CFAP46: variants seen among roughly 807,000 people sequenced by gnomAD.
The protein encoded by CFAP46 is cilia and flagella associated protein 46.
A neutral mutation model predicts 325.7 loss-of-function variants in CFAP46; 245 were observed. The observed-to-expected ratio is 0.75, with a 90% CI of 0.68 to 0.84. The LOEUF is 0.84. Among genes scored for constraint, CFAP46 ranks in the 40% least tolerant of loss-of-function variants. CFAP46 has a pLI of 0.00. For missense variants in CFAP46, 3,346 were observed against 3,543.0 expected (o/e 0.94, Z 1.41); for synonymous variants, 1,523 against 1,495.9 (o/e 1.02, Z -0.42).
At chr10:132,839,926 G>C (rs951090946) in intron 44 of CFAP46, among the ~76,000 whole-genome samples, 10 of 152,216 alleles carry the variant, frequency 6.6e-5, no homozygotes, top group African/African-American at 2.4e-4. Flanking sequence ...TTAGTGATGA[G>C]AGAGCCTTTC....
chr10:132,820,041 A>G (rs1847764006), intron 50 of CFAP46, among the ~76,000 whole-genome samples: 1 of 152,196 alleles, frequency 6.6e-6, no homozygotes, highest in South Asian at 2.1e-4. Flanking sequence ...ATACAATAGT[A>G]AAAAACCAAA....
At chr10:132,873,561 G>A (rs1423185640) in intron 31 of CFAP46, among the ~76,000 whole-genome samples, 2 of 152,160 alleles carry the variant, frequency 1.3e-5, no homozygotes, top group African/African-American at 4.8e-5. Context: ...TCGTGCTGCA[G>A]GCTGGGCTTA....
chr10:132,845,730 T>A (rs1481321539), intron 44 of CFAP46, among the ~76,000 whole-genome samples: 4 of 152,212 alleles, frequency 2.6e-5, no homozygotes, highest in African/African-American at 7.2e-5. Flanking sequence ...AACATGCAGC[T>A]CCGATCCACA....
intron 7 of CFAP46, among the ~76,000 whole-genome samples, chr10:132,935,955 C>T (rs113419083): frequency 1.9e-3 from 105 of 56,228 alleles, no homozygotes; most frequent in African/African-American, 3.5e-3. Flanking sequence ...AAACACACTG[C>T]GATCTCCTCA....
At position 132,942,553 on chromosome 10, in the gene CFAP46, G is replaced by A. The variant is rs1184019861; in HGVS notation, c.-69C>T. 4.0e-5 allele frequency: 49 copies of A among 1,217,248 alleles called. No individual in the cohort carries two copies. The highest frequency in any genetic ancestry group is 4.8e-5 in the Non-Finnish European group (47 of 969,958). The allele number at this position is 1,217,248 out of a possible 1,614,324, so 75.4% of individuals were successfully genotyped here. On this transcript the variant is annotated 5_prime_UTR_variant, in exon 1 of 58. Coordinates refer to ENST00000368586, the MANE Select transcript of CFAP46 (RefSeq NM_001200049.3). ...GCGTCCTGCCGCCCACTGTCGGTTG[G>A]GTTCTCCAGCCGCGAGGACCCGGCC...
intron 32 of CFAP46, 101 bp downstream of exon 32, chr10:132,872,575 T>G: frequency 1.5e-6 from 2 of 1,355,658 alleles, no homozygotes; most frequent in Non-Finnish European, 2.1e-6. Context: ...CCCAGGGACT[T>G]TATTATTTAC....
intron 44 of CFAP46, among the ~76,000 whole-genome samples, chr10:132,845,786 G>C (rs1848423885): frequency 6.6e-6 from 1 of 152,200 alleles, no homozygotes; most frequent in Non-Finnish European, 1.5e-5. Context: ...TCAGCTCTTG[G>C]CTGCAGGCCT....
chr10:132,851,486 G>C (rs906331970), intron 39 of CFAP46, among the ~76,000 whole-genome samples, 181 bp from the exon 40 acceptor site: 2 of 152,226 alleles, frequency 1.3e-5, no homozygotes, highest in South Asian at 4.1e-4. Flanking sequence ...CCACCTTCGA[G>C]ATAATGCAGT....
At chr10:132,881,129 A>G (rs1044716545) in intron 27 of CFAP46, 97 bp from the exon 28 acceptor site, 24 of 1,208,814 alleles carry the variant, frequency 2.0e-5, no homozygotes, top group Middle Eastern at 4.9e-4. Context: ...CTACAAGAAA[A>G]GCTTCATTCT....
chr10:132,885,006 C>T (rs2135392063), intron 27 of CFAP46, 97 bp downstream of exon 27: 1 of 1,326,064 alleles, frequency 7.5e-7, no homozygotes, highest in Non-Finnish European at 1.0e-6. Context: ...CTGCGTGCTG[C>T]CCCACACCAG....
intron 9 of CFAP46, 53 bp downstream of exon 9, chr10:132,929,652 T>C (rs756063491): frequency 8.5e-6 from 13 of 1,528,042 alleles, no homozygotes; most frequent in South Asian, 2.2e-5. Flanking sequence ...TTTGTCCAAC[T>C]GCACGGTGAG....
intron 34 of CFAP46, 97 bp downstream of exon 34, chr10:132,867,278 C>T: frequency 6.9e-7 from 1 of 1,444,824 alleles, no homozygotes; most frequent in Non-Finnish European, 9.2e-7. Context: ...GACACACACA[C>T]AGGCCGGCCG....
intron 57 of CFAP46, among the ~76,000 whole-genome samples, chr10:132,809,694 G>A (rs1407536102): frequency 3.3e-5 from 5 of 152,146 alleles, no homozygotes; most frequent in East Asian, 1.9e-4. Context: ...CCGGGGTCCC[G>A]GGAAGCTCCT....
intron 17 of CFAP46, among the ~76,000 whole-genome samples, chr10:132,913,690 G>A (rs367779007): frequency 6.6e-6 from 1 of 152,136 alleles, no homozygotes; most frequent in Non-Finnish European, 1.5e-5. Context: ...AGTGTGAGAC[G>A]GTCTTTCCCC....
rs200235523 is a variant in CFAP46, at chr10:132,938,569, G to C, written c.536+20C>G. ...GCGGCCCACCGGGAGGCCACAGAGG[G>C]CACGGCGAGCTCAACTCACAGCATC... On this transcript the variant is annotated intron_variant, in intron 5 of 57. Transcript: ENST00000368586. 4 of 1,610,102 alleles carry C rather than the reference G, an allele frequency of 2.5e-6. No homozygotes were observed. Among genetic ancestry groups the C allele is most frequent in the African/African-American group, 2.7e-5 (2 of 74,832 alleles).
At chr10:132,885,427 G>A in intron 26 of CFAP46, 141 bp from the exon 27 acceptor site, 1 of 806,794 alleles carries the variant, frequency 1.2e-6, no homozygotes, top group Non-Finnish European at 1.9e-6. Flanking sequence ...GGGGGTCTCG[G>A]GGCTACGCGG....
At chr10:132,929,383 T>A in intron 9 of CFAP46, 2 of 652,122 alleles carry the variant, frequency 3.1e-6, no homozygotes, top group Non-Finnish European at 5.7e-6. Flanking sequence ...ACACGTCCAA[T>A]AATGGGACTG....
At chr10:132,936,179 A>C (rs1482418967) in intron 7 of CFAP46, among the ~76,000 whole-genome samples, 2 of 72,268 alleles carry the variant, frequency 2.8e-5, no homozygotes, top group African/African-American at 5.9e-5. Flanking sequence ...TGATCTCCTC[A>C]CTCCCCTCAG....
At chr10:132,935,525 T>A (rs746383840) in intron 7 of CFAP46, among the ~76,000 whole-genome samples, 169 of 115,468 alleles carry the variant, frequency 1.5e-3, no homozygotes, top group South Asian at 5.5e-3. Flanking sequence ...AAACACACTG[T>A]GATCTCCTCA....
Sources: gnomAD v4.1 joint callset for allele counts (sites outside exome capture counted in the v4.1 genomes callset) on GRCh38, gnomAD v4.1.1 for gene constraint, MANE v1.5 for transcripts, NCBI Gene and HGNC (gene_info 2026-07-23, HGNC 2026-07-21) for gene names.